CHM: variants seen among roughly 807,000 people sequenced by gnomAD.
The protein encoded by CHM is rab proteins geranylgeranyltransferase component A 1.
In CHM, 10 loss-of-function variants were observed where a neutral mutation model predicts 49.0. The observed-to-expected ratio is 0.20, with a 90% CI of 0.13 to 0.35. CHM has a LOEUF of 0.35. CHM is among the 10% of genes least tolerant of loss of function. CHM has a pLI of 1.00. For missense variants in CHM, 455 were observed against 478.4 expected, an observed-to-expected ratio of 0.95 and a Z score of 0.46; for synonymous variants, 184 against 167.5, an observed-to-expected ratio of 1.10 and a Z score of -0.76.
intron 4 of CHM, chrX:85,970,887 G>C: frequency 1.4e-6 from 1 of 702,941 alleles, no homozygotes; most frequent in Non-Finnish European, 1.7e-6. Context: ...TACAGTCTAT[G>C]ATGTTTGAAC....
chrX:85,955,936 A>T (rs189348769), intron 8 of CHM, among the ~76,000 whole-genome samples: 214 of 112,439 alleles, frequency 1.9e-3, no homozygotes, highest in African/African-American at 6.4e-3. Context: ...GGAAAAAGGA[A>T]TTTATAGTAT....
chrX:85,958,105 CG>C, intron 6 of CHM, 130 bp from the exon 7 acceptor site: 1 of 782,881 alleles, frequency 1.3e-6, no homozygotes, highest in Non-Finnish European at 1.8e-6. Flanking sequence ...TTCACATCAC[CG>C]TCCATCAGTA....
chrX:85,981,820 T>TAAAA lies in CHM; in HGVS notation c.117-15_117-12dup. 3.9e-5 allele frequency: 37 copies of TAAAA among 949,463 alleles called. No individual in the cohort carries two copies. Among genetic ancestry groups the TAAAA allele is most frequent in the African/African-American group, 6.5e-5 (3 of 45,881 alleles). The allele number at this position is 949,463 out of a possible 1,213,427, so 78.2% of individuals were successfully genotyped here. ...CCATAGTAGCTTCTTCTGTAACAATTAAAAAAAAAAAAAAAAGTAAAGAAA... is the reference window on the plus strand; with the variant it reads ...CCATAGTAGCTTCTTCTGTAACAATTAAAAAAAAAAAAAAAAAAAAGTAAAGAAA... On this transcript the variant is annotated splice_polypyrimidine_tract_variant and intron_variant, in intron 2 of 14. Coordinates refer to ENST00000357749, the MANE Select transcript of CHM (RefSeq NM_000390.4).
intron 9 of CHM, among the ~76,000 whole-genome samples, chrX:85,903,393 T>C (rs961356318): frequency 6.3e-5 from 7 of 111,214 alleles, no homozygotes; most frequent in African/African-American, 2.3e-4. Context: ...AACCTGGCCC[T>C]CAAGCTTTGT....
chrX:85,964,098 C>T (rs1930452517), intron 4 of CHM, 46 bp from the exon 5 acceptor site: 2 of 1,100,651 alleles, frequency 1.8e-6, no homozygotes, highest in Non-Finnish European at 2.5e-6. Context: ...TATATATATT[C>T]CCTTACCCCT....
intron 2 of CHM, 22 bp from the exon 3 acceptor site, chrX:85,981,831 A>G: frequency 9.1e-7 from 1 of 1,093,012 alleles, no homozygotes; most frequent in Non-Finnish European, 1.2e-6. Context: ...AAAAAAAAAA[A>G]AAAAAGTAAA....
intron 8 of CHM, among the ~76,000 whole-genome samples, chrX:85,950,989 G>T (rs1348629756): frequency 1.8e-5 from 2 of 111,719 alleles, no homozygotes; most frequent in Admixed American, 1.9e-4. Flanking sequence ...AAATTTTAAA[G>T]TATTAACAAA....
chrX:85,926,059 T>C (rs1474509795), intron 8 of CHM, among the ~76,000 whole-genome samples: 2 of 110,552 alleles, frequency 1.8e-5, no homozygotes, highest in Non-Finnish European at 3.8e-5. Flanking sequence ...GCATCAACAA[T>C]AAACTGGAAG....
At chrX:85,999,242 A>C (rs1181806521) in intron 2 of CHM, among the ~76,000 whole-genome samples, 2 of 111,632 alleles carry the variant, frequency 1.8e-5, no homozygotes, top group South Asian at 7.5e-4. Flanking sequence ...CAATGTTTTC[A>C]CCTTTTAGGA....
At chrX:85,927,545 A>C (rs186950016) in intron 8 of CHM, among the ~76,000 whole-genome samples, 339 of 112,608 alleles carry the variant, frequency 3.0e-3, no homozygotes, top group African/African-American at 0.011. Flanking sequence ...AACTCGAGAA[A>C]CATTCACTAA....
intron 9 of CHM, among the ~76,000 whole-genome samples, chrX:85,906,854 C>T (rs1202762856): frequency 8.9e-6 from 1 of 112,277 alleles, no homozygotes; most frequent in African/African-American, 3.2e-5. Context: ...GCATAGACAG[C>T]CGGACGTGGT....
At chrX:85,920,167 C>G (rs1311436550) in intron 8 of CHM, among the ~76,000 whole-genome samples, 1 of 109,282 alleles carries the variant, frequency 9.2e-6, no homozygotes, top group African/African-American at 3.3e-5. Flanking sequence ...GCGATCTCGG[C>G]TCACTGCAAG....
At chrX:85,889,139 C>G (rs929680628) in intron 12 of CHM, among the ~76,000 whole-genome samples, 4 of 111,385 alleles carry the variant, frequency 3.6e-5, no homozygotes. Flanking sequence ...ATTTACAAAA[C>G]AATTTATGAA....
In CHM at chrX:85,958,987, G is replaced by A; in HGVS notation, c.703-10C>T. On this transcript the variant is annotated splice_polypyrimidine_tract_variant and intron_variant, in intron 5 of 14. Transcript: ENST00000357749. Reference sequence around the variant, plus strand: ...CTCGAGAATACAGCAGCTGTACAAAGAAAATATTTTACAAGATAAAAGTTG... The same window carrying A: ...CTCGAGAATACAGCAGCTGTACAAAAAAAATATTTTACAAGATAAAAGTTG... The A allele has an allele frequency of 8.3e-7, 1 of 1,207,758 alleles. No homozygotes were observed. Among genetic ancestry groups the A allele is most frequent in the Non-Finnish European group, 1.1e-6 (1 of 893,161 alleles).
In CHM at chrX:85,861,742, T is replaced by C. The variant is rs1190719794; in HGVS notation, c.*2888A>G. 8.9e-6 allele frequency: 1 copy of C among 111,783 alleles called. No individual in the cohort carries two copies. The highest frequency in any genetic ancestry group is 1.9e-5 in the Non-Finnish European group (1 of 53,125). The allele number at this position is 111,783 out of a possible 1,213,427, so 9.2% of individuals were successfully genotyped here. A position where few individuals can be genotyped will look rare whatever the true frequency, so the allele number is the denominator to read the frequency against. On this transcript the variant is annotated 3_prime_UTR_variant, in exon 15 of 15. Transcript: ENST00000357749. ...ACATAGGATTAGGTATTGCTTCTCA[T>C]ACTGATCACTAAACTAAATGGTATT...
intron 4 of CHM, chrX:85,970,787 A>C (rs1930851810): frequency 4.2e-6 from 1 of 237,095 alleles, no homozygotes; most frequent in African/African-American, 3.0e-5. Flanking sequence ...TGTAGCAAAA[A>C]TATTTTAGGT....
At chrX:85,880,914 A>G (rs1044255747) in intron 12 of CHM, among the ~76,000 whole-genome samples, 2 of 111,728 alleles carry the variant, frequency 1.8e-5, no homozygotes, top group African/African-American at 6.5e-5. Context: ...ACCTTCTAGT[A>G]TAGATTACTG....
intron 2 of CHM, among the ~76,000 whole-genome samples, chrX:86,013,738 A>AAAAAAAAAGAAAAG (rs1933177930): frequency 9.0e-6 from 1 of 110,780 alleles, no homozygotes; most frequent in Admixed American, 9.6e-5. Flanking sequence ...CGTCTCAAAA[A>AAAAAAAAAGAAAAG]AAAAAAAGAA....
intron 14 of CHM, among the ~76,000 whole-genome samples, chrX:85,870,794 C>T (rs765931828): frequency 5.4e-5 from 6 of 111,415 alleles, no homozygotes; most frequent in Admixed American, 9.5e-5. Flanking sequence ...GTTGGTATTG[C>T]GGTGGCAATA....
Sources: gnomAD v4.1 joint callset for allele counts (sites outside exome capture counted in the v4.1 genomes callset) on GRCh38, gnomAD v4.1.1 for gene constraint, MANE v1.5 for transcripts, NCBI Gene and HGNC (gene_info 2026-07-23, HGNC 2026-07-21) for gene names.